SHOX: variants seen among roughly 807,000 people sequenced by gnomAD.
The protein encoded by SHOX is SHOX homeobox.
Under a neutral mutation model 29.6 loss-of-function variants are expected in SHOX, and 12 were observed. That is an observed-to-expected ratio of 0.41 (90% CI 0.26 to 0.66). The LOEUF is 0.66. Ranked by LOEUF, SHOX falls within the 30% of genes least tolerant of loss-of-function variation. The pLI is 0.35. For missense variants in SHOX, 499 were observed against 437.7 expected (o/e 1.14, Z -1.25); for synonymous variants, 214 against 200.6 (o/e 1.07, Z -0.57).
intron 1 of SHOX, among the ~76,000 whole-genome samples, chrX:624,842 C>T (rs1012174232): frequency 1.2e-4 from 15 of 128,934 alleles, no homozygotes; most frequent in African/African-American, 4.0e-4. Context: ...TTCCTTCCTT[C>T]CTCTCTTCCT....
chrX:643,510 G>C (rs915327701), intron 4 of SHOX, among the ~76,000 whole-genome samples: 1 of 146,394 alleles, frequency 6.8e-6, no homozygotes, highest in Non-Finnish European at 1.5e-5. Context: ...TGACCTTGGA[G>C]AGGCTTGGGG....
intron 4 of SHOX, among the ~76,000 whole-genome samples, chrX:643,924 G>A (rs1416615434): frequency 6.9e-6 from 1 of 144,420 alleles, no homozygotes; most frequent in Non-Finnish European, 1.5e-5. Context: ...CCTTGGAGAG[G>A]CTTGGGGACC....
chrX:633,700 G>T (rs1053723852), intron 1 of SHOX, among the ~76,000 whole-genome samples: 1 of 152,022 alleles, frequency 6.6e-6, no homozygotes, highest in Non-Finnish European at 1.5e-5. Flanking sequence ...TTAGGGCATC[G>T]CGTGCTTCTC....
At chrX:632,668 G>GT (rs2052671761) in intron 1 of SHOX, among the ~76,000 whole-genome samples, 1 of 152,198 alleles carries the variant, frequency 6.6e-6, no homozygotes, top group Non-Finnish European at 1.5e-5. Context: ...GCAGAAAGCT[G>GT]TGGCTACGGT....
chrX:644,223 G>C, intron 4 of SHOX, 168 bp from the exon 5 acceptor site: 1 of 555,794 alleles, frequency 1.8e-6, no homozygotes, highest in Non-Finnish European at 2.3e-6. Context: ...GCCAATTCTG[G>C]GCCAGGGGGA....
upstream of SHOX, among the ~76,000 whole-genome samples, chrX:629,491 T>TTC (rs935869332): frequency 3.9e-5 from 5 of 128,642 alleles, no homozygotes; most frequent in Admixed American, 2.3e-4. Context: ...GTCTCTCTCT[T>TTC]TCTCTCTCTC....
At chrX:644,325 C>G in intron 4 of SHOX, 66 bp from the exon 5 acceptor site, 1 of 1,450,374 alleles carries the variant, frequency 6.9e-7, no homozygotes, top group Admixed American at 2.6e-5. Flanking sequence ...TTTCCGGGGG[C>G]GCGGGGCGGA....
At chrX:630,130 TCCG>T (rs2052620263), upstream of SHOX, among the ~76,000 whole-genome samples, 2 of 151,978 alleles carry the variant, frequency 1.3e-5, no homozygotes, top group Non-Finnish European at 2.9e-5. Context: ...ATCCTCGGCC[TCCG>T]CCGCCGCCGC....
chrX:640,995 A>T lies in SHOX; in HGVS notation c.545-4A>T, dbSNP rs2052843143. Reference sequence around the variant, plus strand: ...ACACTGACACCTGCTCCCTTTGGACACAGGCGTCATCTTGGGCACAGCCAA... The same window carrying T: ...ACACTGACACCTGCTCCCTTTGGACTCAGGCGTCATCTTGGGCACAGCCAA... On this transcript the variant is annotated splice_region_variant and splice_polypyrimidine_tract_variant and intron_variant, in intron 3 of 4. Coordinates refer to ENST00000686671, the MANE Select transcript of SHOX (RefSeq NM_000451.4). 6.2e-7 allele frequency: 1 copy of T among 1,613,646 alleles called. No homozygotes were observed. The highest frequency in any genetic ancestry group is 2.2e-5 in the East Asian group (1 of 44,882).
chrX:635,262 A>G (rs2052725057), intron 2 of SHOX, among the ~76,000 whole-genome samples: 1 of 152,080 alleles, frequency 6.6e-6, no homozygotes, highest in East Asian at 1.9e-4. Context: ...AGACGAAGCT[A>G]CAGATGCGTT....
At chrX:636,970 A>ATAT (rs1458275715) in intron 2 of SHOX, among the ~76,000 whole-genome samples, 1 of 137,326 alleles carries the variant, frequency 7.3e-6, no homozygotes, top group African/African-American at 2.8e-5. Context: ...ATATATATAT[A>ATAT]TTTTGGCTCC....
At chrX:624,749 C>CTTTCTTTCTTTTCTTT (rs2052476535) in intron 1 of SHOX, 1 of 22,934 alleles carries the variant, frequency 4.4e-5, no homozygotes, top group African/African-American at 2.3e-4. Flanking sequence ...TTTCTTTCTT[C>CTTTCTTTCTTTTCTTT]CTTTCACTTG....
At chrX:634,491 G>A in intron 1 of SHOX, 127 bp from the exon 2 acceptor site, 5 of 957,714 alleles carry the variant, frequency 5.2e-6, no homozygotes, top group Non-Finnish European at 8.2e-6. Context: ...TGGACCCCAC[G>A]CAGTTTTTGC....
chrX:625,973 T>C (rs868114517), upstream of SHOX, among the ~76,000 whole-genome samples: 1 of 24,396 alleles, frequency 4.1e-5, no homozygotes, highest in Non-Finnish European at 9.6e-5. Context: ...CTTTTTCTCT[T>C]TCTCTGTATC....
At chrX:625,805 G>C (rs55713378), upstream of SHOX, among the ~76,000 whole-genome samples, 30 of 135,700 alleles carry the variant, frequency 2.2e-4, no homozygotes, top group African/African-American at 4.3e-4. Context: ...CTCTCTCTGT[G>C]TCTCTGTCTC....
upstream of SHOX, among the ~76,000 whole-genome samples, chrX:626,954 C>G (rs1229343938): frequency 1.3e-5 from 2 of 151,564 alleles, no homozygotes; most frequent in African/African-American, 2.4e-5. Context: ...CTTTTTCTCT[C>G]TCTGTCTGTA....
At chrX:635,173 C>G (rs1488064462) in intron 2 of SHOX, among the ~76,000 whole-genome samples, 1 of 152,080 alleles carries the variant, frequency 6.6e-6, no homozygotes, top group Non-Finnish European at 1.5e-5. Flanking sequence ...TATATTGGCT[C>G]CTGACTGCCT....
In SHOX at chrX:651,060, A is replaced by C. The variant is rs1937268012; in HGVS notation, c.*6424A>C. 6.6e-6 allele frequency among the ~76,000 whole-genome samples: 1 copy of C among 152,026 alleles called. No homozygotes were observed. Among genetic ancestry groups the C allele is most frequent in the African/African-American group, 2.4e-5 (1 of 41,376 alleles). ...CGTGCAGGTCCCGTGGGAAGGAGGCAAAAGCCCCTGCTTCTTACTTTGTGA... is the reference window on the plus strand; with the variant it reads ...CGTGCAGGTCCCGTGGGAAGGAGGCCAAAGCCCCTGCTTCTTACTTTGTGA... On this transcript the variant is annotated 3_prime_UTR_variant, in exon 5 of 5. Coordinates refer to ENST00000686671, the MANE Select transcript of SHOX (RefSeq NM_000451.4).
chrX:638,298 A>C (rs1347045325), intron 2 of SHOX, among the ~76,000 whole-genome samples: 3 of 151,768 alleles, frequency 2.0e-5, no homozygotes, highest in Non-Finnish European at 4.4e-5. Context: ...AGAGTGAATG[A>C]GGCTTTCCAC....
Sources: gnomAD v4.1 joint callset for allele counts (sites outside exome capture counted in the v4.1 genomes callset) on GRCh38, gnomAD v4.1.1 for gene constraint, MANE v1.5 for transcripts, NCBI Gene and HGNC (gene_info 2026-07-23, HGNC 2026-07-21) for gene names.